PCNT: variants seen among roughly 807,000 people sequenced by gnomAD.
PCNT encodes pericentrin, also known as kendrin.
In PCNT, 319 loss-of-function variants were observed where a neutral mutation model predicts 380.4. The ratio of observed to expected loss-of-function variants is 0.84; its 90% CI spans 0.77 to 0.92. The LOEUF is 0.92. PCNT is among the 40% of genes least tolerant of loss of function. PCNT has a pLI of 0.00. For synonymous variants in PCNT, 1,845 were observed against 1,735.2 expected, an observed-to-expected ratio of 1.06 and a Z score of -1.57; for missense variants, 4,400 against 4,255.3, an observed-to-expected ratio of 1.03 and a Z score of -0.95.
At chr21:46,347,116 C>T (rs932887385) in intron 5 of PCNT, 118 bp downstream of exon 5, 59 of 1,264,476 alleles carry the variant, frequency 4.7e-5, no homozygotes, top group Non-Finnish European at 6.0e-5. Flanking sequence ...CATCTCTGTT[C>T]TCAGCACCTT....
At chr21:46,369,910 A>G (rs2085056909) in intron 15 of PCNT, among the ~76,000 whole-genome samples, 1 of 152,216 alleles carries the variant, frequency 6.6e-6, no homozygotes, top group African/African-American at 2.4e-5. Flanking sequence ...GTACGCTGCC[A>G]AGATGCAGGA....
chr21:46,326,251 G>A, intron 1 of PCNT, 126 bp from the exon 2 acceptor site: 1 of 789,622 alleles, frequency 1.3e-6, no homozygotes, highest in Non-Finnish European at 2.2e-6. Flanking sequence ...CTGTTGGCCA[G>A]GTGTGGCAGA....
chr21:46,428,544 C>A lies in PCNT; in HGVS notation c.7644C>A (p.Ser2548Arg). 2 of 1,608,306 alleles carry A rather than the reference C, an allele frequency of 1.2e-6. No homozygotes were observed. The highest frequency in any genetic ancestry group is 1.7e-5 in the Admixed American group (1 of 59,844). Residue 2548 changes from serine (S) to arginine (R), a missense_variant, in exon 35 of 47, where the codon AGC (serine) becomes AGA (arginine). Transcript: ENST00000359568. ...AGCACTTGCGCACGGCGCTGACAAG[C>A]GCAGAGGCGCGCGGGAGCCAGCAGG... ...KLQHLRTALT[S>R]AEARGSQQEH...
intron 2 of PCNT, among the ~76,000 whole-genome samples, chr21:46,333,927 C>T (rs924836980): frequency 3.3e-5 from 5 of 151,408 alleles, no homozygotes; most frequent in African/African-American, 1.2e-4. Flanking sequence ...TTAGAGCTGG[C>T]CAGGTGTGGT....
At chr21:46,373,436 T>C (rs1281493489) in intron 15 of PCNT, among the ~76,000 whole-genome samples, 2 of 147,980 alleles carry the variant, frequency 1.4e-5, no homozygotes, top group East Asian at 2.0e-4. Context: ...ATACTCTTTT[T>C]TTTTTTTTTT....
At position 46,443,880 on chromosome 21, in the gene PCNT, T is replaced by C. The variant is rs2053678581; in HGVS notation, c.9771T>C (p.Ser3257=). 2 of 1,613,092 alleles carry C rather than the reference T, an allele frequency of 1.2e-6. No homozygotes were observed. Among genetic ancestry groups the C allele is most frequent in the South Asian group, 1.1e-5 (1 of 91,038 alleles). ...CCCCCCCAACCCGGGATGTACCCTC[T>C]GGCCACACCAGGGACCCTGCCAGAG... ...RESPPTRDVP[S]GHTRDPARGR... Residue 3257 remains serine, a synonymous_variant, in exon 45 of 47, where the codon TCT becomes TCC. Coordinates refer to ENST00000359568, the MANE Select transcript of PCNT (RefSeq NM_006031.6).
At chr21:46,361,984 CCTGGACA>C (rs1199960457) in intron 13 of PCNT, among the ~76,000 whole-genome samples, 1 of 152,152 alleles carries the variant, frequency 6.6e-6, no homozygotes, top group Non-Finnish European at 1.5e-5. Flanking sequence ...CAGGTTGCAT[CCTGGACA>C]CTGTGAGTGA....
rs368329088 is a variant in PCNT at position 46,354,082 on chromosome 21, C to G, written c.1761+14C>G. On this transcript the variant is annotated intron_variant, in intron 11 of 46. Transcript: ENST00000359568. Reference sequence around the variant, plus strand: ...GAGCGACATAAGGTAATTGGCCGCGCGCTGAGAAGTGGGGGAGTCCTGTGC... The same window carrying G: ...GAGCGACATAAGGTAATTGGCCGCGGGCTGAGAAGTGGGGGAGTCCTGTGC... The G allele has an allele frequency of 3.7e-6, 6 of 1,610,830 alleles. No individual in the cohort carries two copies. The Admixed American group carries it at 1.0e-4, about 27-fold the overall frequency.
intron 24 of PCNT, 52 bp downstream of exon 24, chr21:46,398,307 C>T (rs758538287): frequency 8.4e-6 from 13 of 1,551,052 alleles, no homozygotes; most frequent in Non-Finnish European, 1.1e-5. Context: ...CCCAGGCTCC[C>T]CTGCGCTCGC....
At chr21:46,358,755 G>A (rs1376651103) in intron 13 of PCNT, among the ~76,000 whole-genome samples, 1 of 151,654 alleles carries the variant, frequency 6.6e-6, no homozygotes, top group Non-Finnish European at 1.5e-5. Flanking sequence ...CTCCCTAGTA[G>A]CTGGAATTAC....
chr21:46,432,098 A>G lies in PCNT; in HGVS notation c.8634A>G (p.Ser2878=), dbSNP rs1478546782. ...GGTTGCAGGCAGAATTAGAGCAGTC[A>G]CACCCACGGTTGAAAGAGCAAGAAG... ...PAWLQAELEQ[S]HPRLKEQEGR... The change falls in exon 38 of 47, where the codon TCA becomes TCG. Residue 2878 remains serine, a synonymous_variant. Coordinates refer to ENST00000359568, the MANE Select transcript of PCNT (RefSeq NM_006031.6). 6.2e-7 allele frequency: 1 copy of G among 1,614,162 alleles called. No homozygotes were observed. Among genetic ancestry groups the G allele is most frequent in the Middle Eastern group, 1.6e-4 (1 of 6,062 alleles).
chr21:46,392,824 A>G (rs1007224631), intron 21 of PCNT, among the ~76,000 whole-genome samples: 2 of 152,074 alleles, frequency 1.3e-5, no homozygotes, highest in Non-Finnish European at 2.9e-5. Flanking sequence ...TCTATTTTTT[A>G]TATAAATTTC....
In PCNT at chr21:46,440,176, G is replaced by A. The variant is rs775544841; in HGVS notation, c.9367G>A (p.Glu3123Lys). The change falls in exon 42 of 47, where the codon GAG becomes AAG. Residue 3123 changes from glutamate to lysine, a missense_variant. Glu to Lys is a moderately conservative substitution (Grantham distance 56). Transcript: ENST00000359568. ...DPGRLPPAAS[E>K]EAHTSNVKME... is the part of the protein sequence containing the mutation. The stretch of plus-strand genomic sequence containing the variant: ...CGGCCGGCTTCCACCAGCTGCCAGC[G>A]AGGAAGCACACACCAGCAATGTCAA... The A allele has an allele frequency of 5.0e-6, 8 of 1,614,124 alleles. No homozygotes were observed. Among genetic ancestry groups the A allele is most frequent in the African/African-American group, 4.0e-5 (3 of 75,058 alleles).
chr21:46,325,681 C>A (rs1373006657), intron 1 of PCNT, among the ~76,000 whole-genome samples: 1 of 152,138 alleles, frequency 6.6e-6, no homozygotes, highest in Non-Finnish European at 1.5e-5. Context: ...AGATGTCTCC[C>A]CGTGAAAGGC....
At position 46,431,572 on chromosome 21, in the gene PCNT, G is replaced by A. The variant is rs921358527; in HGVS notation, c.8108G>A (p.Arg2703Gln). The change falls in exon 38 of 47, where the codon CGA becomes CAA. Residue 2703 changes from arginine to glutamine, a missense_variant. Transcript: ENST00000359568. ...SLETQRAQSS[R>Q]LCVALKHEQT... ...GAGACACAGCGTGCTCAGAGCAGTC[G>A]ACTCTGCGTGGCACTGAAACACGAG... 28 of 1,613,976 alleles carry A rather than the reference G, an allele frequency of 1.7e-5. No homozygotes were observed. Among genetic ancestry groups the A allele is most frequent in the South Asian group, 1.5e-4 (14 of 91,092 alleles).
At chr21:46,372,597 G>A (rs1246010340) in intron 15 of PCNT, among the ~76,000 whole-genome samples, 1 of 152,144 alleles carries the variant, frequency 6.6e-6, no homozygotes, top group African/African-American at 2.4e-5. Context: ...AGGTGATTAT[G>A]GTACATATGG....
chr21:46,383,667 C>T (rs1465043692), intron 16 of PCNT, among the ~76,000 whole-genome samples: 11 of 146,230 alleles, frequency 7.5e-5, no homozygotes, highest in African/African-American at 2.5e-4. Flanking sequence ...GTGGCGGAAG[C>T]GCATTCACAG....
At chr21:46,418,388 T>C (rs1017305691) in intron 31 of PCNT, 82 bp downstream of exon 31, 1 of 893,104 alleles carries the variant, frequency 1.1e-6, no homozygotes, top group Non-Finnish European at 1.8e-6. Flanking sequence ...CCTGCATCCT[T>C]TGCCTGGTTC....
chr21:46,417,217 G>A (rs150269023), intron 30 of PCNT, among the ~76,000 whole-genome samples: 1,949 of 104,904 alleles, frequency 0.019, 22 homozygotes, highest in Middle Eastern at 0.045. Context: ...TTTGTGAGAT[G>A]GAGTCTCGCT....
Sources: gnomAD v4.1 joint callset for allele counts (sites outside exome capture counted in the v4.1 genomes callset) on GRCh38, gnomAD v4.1.1 for gene constraint, MANE v1.5 for transcripts, NCBI Gene and HGNC (gene_info 2026-07-23, HGNC 2026-07-21) for gene names.